MED14: variants seen among roughly 807,000 people sequenced by gnomAD.
MED14 encodes mediator complex subunit 14, also known as mediator of RNA polymerase II transcription subunit 14.
MED14 carries 8 observed loss-of-function variants against 109.0 expected under a neutral mutation model. That is an observed-to-expected ratio of 0.07 (90% CI 0.04 to 0.13). The LOEUF is 0.13. MED14 is among the 10% of genes least tolerant of loss of function. The pLI is 1.00. For missense variants in MED14, 711 were observed against 1,142.4 expected (o/e 0.62, Z 5.44); for synonymous variants, 399 against 408.7 (o/e 0.98, Z 0.29).
chrX:40,735,381 A>C lies in MED14; in HGVS notation c.32T>G (p.Leu11Arg). 9.3e-7 allele frequency: 1 copy of C among 1,073,962 alleles called. No homozygotes were observed. Among genetic ancestry groups the C allele is most frequent in the Non-Finnish European group, 1.2e-6 (1 of 832,434 alleles). The allele number at this position is 1,073,962 out of a possible 1,213,427, so 88.5% of individuals were successfully genotyped here. The change falls in exon 1 of 31, where the codon CTG becomes CGG. Residue 11 changes from leucine to arginine, a missense_variant. Leu to Arg is a moderately radical substitution (Grantham distance 102). Around this residue, in one of 8 missense-constraint regions of MED14, gnomAD observed 62 missense variants for 55.2 expected, o/e 1.12. Coordinates refer to ENST00000324817, the MANE Select transcript of MED14 (RefSeq NM_004229.4). ...CCCGCCGCCGCCTCCGGGCGGGACC[A>C]GCTGGTGGTTCTCCAGCTGCACTGG... The part of the protein sequence containing the change: MAPVQLENHQ[L>R]VPPGGGGGGS...
chrX:40,679,729 AGAT>A (rs1930046501), intron 21 of MED14, 132 bp downstream of exon 21: 3 of 546,569 alleles, frequency 5.5e-6, no homozygotes, highest in Non-Finnish European at 5.8e-6. Context: ...GACGTTATAC[AGAT>A]GATGAGTTAA....
chrX:40,707,124 G>A (rs1226537806), intron 10 of MED14, among the ~76,000 whole-genome samples: 1 of 109,656 alleles, frequency 9.1e-6, no homozygotes, highest in Non-Finnish European at 1.9e-5. Flanking sequence ...TAGATAGATA[G>A]ATAGATAGAT....
chrX:40,651,713 A>C lies in MED14; in HGVS notation c.*93T>G, dbSNP rs1746200755. 3.7e-6 allele frequency: 4 copies of C among 1,087,877 alleles called. No individual in the cohort carries two copies. Among genetic ancestry groups the C allele is most frequent in the East Asian group, 3.6e-5 (1 of 27,904 alleles). 89.7% of individuals were successfully genotyped at this position (1,087,877 alleles called of 1,213,427 possible). A position where few individuals can be genotyped will look rare whatever the true frequency, so the allele number is the denominator to read the frequency against. ...AATATTTAGCTCTTAAAGTTTAAAA[A>C]AAAAGTCCTTTTCCTTTTTTAAACT... On this transcript the variant is annotated 3_prime_UTR_variant, in exon 31 of 31. Coordinates refer to ENST00000324817, the MANE Select transcript of MED14 (RefSeq NM_004229.4).
At chrX:40,734,811 A>G (rs1264958331) in intron 1 of MED14, among the ~76,000 whole-genome samples, 1 of 112,718 alleles carries the variant, frequency 8.9e-6, no homozygotes, top group Non-Finnish European at 1.9e-5. Context: ...CTTAGAAGCA[A>G]TAACAGCTTA....
chrX:40,711,022 T>C (rs1931320168), intron 8 of MED14, 147 bp downstream of exon 8: 1 of 614,417 alleles, frequency 1.6e-6, no homozygotes, highest in African/African-American at 2.3e-5. Context: ...TCTTGCAAAT[T>C]GATCTGCATA....
intron 2 of MED14, 70 bp from the exon 3 acceptor site, chrX:40,726,921 G>C: frequency 1.2e-6 from 1 of 856,631 alleles, no homozygotes; most frequent in Non-Finnish European, 1.6e-6. Context: ...TTTCAGCTAA[G>C]CAAAAATAAA....
intron 21 of MED14, among the ~76,000 whole-genome samples, chrX:40,677,539 T>TA (rs1266242876): frequency 8.9e-6 from 1 of 111,732 alleles, no homozygotes; most frequent in Non-Finnish European, 1.9e-5. Context: ...AATAGAATGT[T>TA]TAAAATAAAC....
intron 5 of MED14, 143 bp from the exon 6 acceptor site, chrX:40,713,185 G>T: frequency 1.8e-6 from 1 of 543,070 alleles, no homozygotes; most frequent in Non-Finnish European, 2.7e-6. Context: ...ACAATTCAAT[G>T]GTTCCTGAAT....
intron 6 of MED14, 100 bp downstream of exon 6, chrX:40,712,814 C>T (rs1268536349): frequency 2.3e-6 from 2 of 877,911 alleles, no homozygotes; most frequent in African/African-American, 4.1e-5. Context: ...AGTGGGATTA[C>T]AAGCATGAGC....
In MED14 at chrX:40,728,905, C is replaced by A. The variant is rs776335820; in HGVS notation, c.242+414G>T. Among the ~76,000 whole-genome samples, 293 of 110,784 alleles carry A rather than the reference C, an allele frequency of 2.6e-3. 2 individuals carry two copies. Among genetic ancestry groups the A allele is most frequent in the African/African-American group, 9.2e-3 (280 of 30,316 alleles). On this transcript the variant is annotated intron_variant, in intron 2 of 30. Transcript: ENST00000324817. ...TGACCTCGGCTCACTGCAACTTCCACCTCCTGGGTTCAAACAATTATTCTG... is the reference window on the plus strand; with the variant it reads ...TGACCTCGGCTCACTGCAACTTCCAACTCCTGGGTTCAAACAATTATTCTG...
chrX:40,702,692 A>G (rs1930997755), intron 11 of MED14, among the ~76,000 whole-genome samples: 1 of 111,567 alleles, frequency 9.0e-6, no homozygotes, highest in African/African-American at 3.3e-5. Flanking sequence ...CTTATTTGGA[A>G]CCCACAGTTA....
At chrX:40,735,840 G>C (rs1422635077), upstream of MED14, 1 of 314,462 alleles carries the variant, frequency 3.2e-6, no homozygotes, top group African/African-American at 2.7e-5. Flanking sequence ...TGGGGGGCGC[G>C]TGGGAGTGAG....
intron 26 of MED14, among the ~76,000 whole-genome samples, chrX:40,661,020 T>G (rs1271575008): frequency 8.9e-6 from 1 of 112,400 alleles, no homozygotes; most frequent in Non-Finnish European, 1.9e-5. Context: ...GTTCAAGCGA[T>G]TCTCCTGCCT....
intron 22 of MED14, among the ~76,000 whole-genome samples, chrX:40,672,658 A>G (rs1228984466): frequency 5.4e-5 from 6 of 111,888 alleles, no homozygotes; most frequent in Non-Finnish European, 9.4e-5. Context: ...TGTGATGGCA[A>G]ATAATGTTTG....
At chrX:40,704,637 A>G (rs941497569) in intron 10 of MED14, among the ~76,000 whole-genome samples, 11 of 112,776 alleles carry the variant, frequency 9.8e-5, no homozygotes, top group Non-Finnish European at 1.7e-4. Flanking sequence ...AATCAAAGAA[A>G]CAAACCAAAA....
intron 3 of MED14, among the ~76,000 whole-genome samples, chrX:40,723,487 G>A (rs768760078): frequency 2.4e-4 from 26 of 108,871 alleles, no homozygotes; most frequent in Non-Finnish European, 4.4e-4. Flanking sequence ...CCAACACGGC[G>A]AAACCCCATC....
chrX:40,659,364 T>C (rs1213364372), intron 27 of MED14, 30 bp from the exon 28 acceptor site: 2 of 1,173,522 alleles, frequency 1.7e-6, no homozygotes, highest in Non-Finnish European at 2.3e-6. Flanking sequence ...AAGTTACTCT[T>C]CATTCTACAT....
rs568197550 is a variant in MED14 at position 40,676,999 on chromosome X, C to G, written c.2881-1638G>C. On this transcript the variant is annotated intron_variant, in intron 21 of 30. Coordinates refer to ENST00000324817, the MANE Select transcript of MED14 (RefSeq NM_004229.4). Reference sequence around the variant, plus strand: ...GTGGGGATAAAAGTGGGACTAATAACAGAAGGACTAAGTGAAAGTCTAAGA... The same window carrying G: ...GTGGGGATAAAAGTGGGACTAATAAGAGAAGGACTAAGTGAAAGTCTAAGA... Among the ~76,000 whole-genome samples the G allele has an allele frequency of 6.3e-4, 70 of 111,486 alleles. 1 individual carries two copies. Among genetic ancestry groups the G allele is most frequent in the Middle Eastern group, 9.2e-3 (2 of 217 alleles).
intron 3 of MED14, among the ~76,000 whole-genome samples, chrX:40,725,344 C>T (rs2146737646): frequency 9.0e-6 from 1 of 111,453 alleles, no homozygotes; most frequent in African/African-American, 3.3e-5. Context: ...CAGTATTACC[C>T]TGATACCAAA....
Sources: allele counts gnomAD v4.1 joint callset (sites outside exome capture counted in the v4.1 genomes callset), GRCh38; gene constraint gnomAD v4.1.1; regional missense constraint gnomAD v4.1.1; transcripts MANE v1.5; gene names NCBI Gene and HGNC (gene_info 2026-07-23, HGNC 2026-07-21).